Variants in MGRN1 observed in about 807,000 individuals in gnomAD.
MGRN1 encodes mahogunin ring finger 1, also known as E3 ubiquitin-protein ligase MGRN1.
A neutral mutation model predicts 69.2 loss-of-function variants in MGRN1; 29 were observed. The ratio of observed to expected loss-of-function variants is 0.42; its 90% CI spans 0.31 to 0.57. The LOEUF is 0.57. Ranked by LOEUF, MGRN1 falls within the 20% of genes least tolerant of loss-of-function variation. The pLI is 0.15. For synonymous variants in MGRN1, 470 were observed against 344.2 expected (o/e 1.37, Z -4.04); for missense variants, 998 against 796.2 (o/e 1.25, Z -3.05).
intron 4 of MGRN1, among the ~76,000 whole-genome samples, chr16:4,656,836 C>G (rs934002076): frequency 5.3e-5 from 8 of 151,970 alleles, no homozygotes; most frequent in African/African-American, 1.9e-4. Flanking sequence ...GCTGAGATCA[C>G]AACACTGCAC....
At chr16:4,677,186 CTG>C in intron 10 of MGRN1, 1 of 331,100 alleles carries the variant, frequency 3.0e-6, no homozygotes, top group Non-Finnish European at 5.5e-6. Flanking sequence ...TTCATTAATA[CTG>C]TGTTTGCGGG....
At chr16:4,662,904 G>T (rs192872734) in intron 5 of MGRN1, among the ~76,000 whole-genome samples, 5 of 152,204 alleles carry the variant, frequency 3.3e-5, no homozygotes, top group Non-Finnish European at 7.3e-5. Context: ...GGACATCCGT[G>T]GGGGTGGTTG....
chr16:4,645,216 A>AG (rs2078250008), intron 1 of MGRN1, among the ~76,000 whole-genome samples: 3 of 152,164 alleles, frequency 2.0e-5, no homozygotes, highest in Admixed American at 2.0e-4. Context: ...GCTGGAGTGC[A>AG]GTGTGGTGTG....
intron 5 of MGRN1, among the ~76,000 whole-genome samples, chr16:4,662,793 A>AC (rs2078712387): frequency 6.6e-6 from 1 of 152,088 alleles, no homozygotes; most frequent in Admixed American, 6.5e-5. Context: ...GGGAGAGGAG[A>AC]CATCCTATGT....
At chr16:4,677,284 GC>G in intron 10 of MGRN1, 178 bp from the exon 11 acceptor site, 1 of 447,842 alleles carries the variant, frequency 2.2e-6, no homozygotes, top group Non-Finnish European at 3.9e-6. Flanking sequence ...CATCTTTCCT[GC>G]CTATTAAATT....
At chr16:4,656,872 T>C (rs1737610893) in intron 4 of MGRN1, among the ~76,000 whole-genome samples, 1 of 149,496 alleles carries the variant, frequency 6.7e-6, no homozygotes, top group Admixed American at 6.8e-5. Flanking sequence ...AGAGCGAGAC[T>C]CTTATCTCAA....
At chr16:4,676,627 G>A (rs1050171746) in intron 10 of MGRN1, among the ~76,000 whole-genome samples, 4 of 152,166 alleles carry the variant, frequency 2.6e-5, no homozygotes, top group Non-Finnish European at 4.4e-5. Context: ...CTGGGCTGAC[G>A]GCAGATGCAT....
intron 15 of MGRN1, 118 bp from the exon 16 acceptor site, chr16:4,683,725 C>T (rs2079242454): frequency 2.5e-6 from 2 of 804,952 alleles, no homozygotes; most frequent in Non-Finnish European, 3.9e-6. Context: ...GAGCACAAGC[C>T]TGGGGTCCCC....
At chr16:4,630,087 C>T (rs536882424) in intron 1 of MGRN1, among the ~76,000 whole-genome samples, 113 of 147,854 alleles carry the variant, frequency 7.6e-4, no homozygotes, top group African/African-American at 2.7e-3. Context: ...TGCAGTGGCT[C>T]GCGCCTGTAA....
At chr16:4,675,196 C>G (rs1236251999) in intron 10 of MGRN1, among the ~76,000 whole-genome samples, 1 of 151,558 alleles carries the variant, frequency 6.6e-6, no homozygotes, top group African/African-American at 2.4e-5. Context: ...TGGTCTGAAG[C>G]TCCTGACCTC....
intron 1 of MGRN1, among the ~76,000 whole-genome samples, chr16:4,627,502 G>A (rs1326147071): frequency 2.0e-5 from 3 of 152,210 alleles, no homozygotes; most frequent in African/African-American, 4.8e-5. Flanking sequence ...TTGTGCAGTC[G>A]TCTGGCCAGG....
chr16:4,677,798 A>AAGG (rs2079085959), intron 11 of MGRN1, among the ~76,000 whole-genome samples: 1 of 143,384 alleles, frequency 7.0e-6, no homozygotes, highest in Non-Finnish European at 1.5e-5. Context: ...AGCCTGCGAC[A>AAGG]AGGCTGAGCG....
chr16:4,634,136 C>G (rs1337297259), intron 1 of MGRN1, among the ~76,000 whole-genome samples: 1 of 152,212 alleles, frequency 6.6e-6, no homozygotes, highest in African/African-American at 2.4e-5. Context: ...CCAGTGACTT[C>G]CTCAGTGGCC....
intron 7 of MGRN1, among the ~76,000 whole-genome samples, chr16:4,665,506 G>A (rs993015725): frequency 3.3e-5 from 5 of 150,910 alleles, no homozygotes; most frequent in African/African-American, 1.2e-4. Context: ...GTACCTGGGA[G>A]TACAGGTGTG....
chr16:4,660,861 G>T (rs1393401707), intron 5 of MGRN1, among the ~76,000 whole-genome samples: 1 of 152,254 alleles, frequency 6.6e-6, no homozygotes, highest in Non-Finnish European at 1.5e-5. Context: ...GACCGGGGAA[G>T]GGAGTGTCCC....
chr16:4,689,718 C>T lies in MGRN1; in HGVS notation c.*810C>T, dbSNP rs1451458919. On this transcript the variant is annotated 3_prime_UTR_variant, in exon 17 of 17. Coordinates refer to ENST00000262370, the MANE Select transcript of MGRN1 (RefSeq NM_015246.4). The stretch of plus-strand genomic sequence containing the variant: ...GCCCCTGCCAGGGAGGACCTGGTGG[C>T]CTCCTCATTCTCTTTTGCCATTGGA... The T allele has an allele frequency of 1.3e-5, 2 of 152,130 alleles. No individual in the cohort carries two copies. The highest frequency in any genetic ancestry group is 2.4e-5 in the African/African-American group (1 of 41,426). 9.4% of individuals were successfully genotyped at this position (152,130 alleles called of 1,614,324 possible).
chr16:4,658,493 G>A (rs145145033), intron 5 of MGRN1, among the ~76,000 whole-genome samples: 7 of 151,404 alleles, frequency 4.6e-5, no homozygotes, highest in Non-Finnish European at 7.4e-5. Context: ...CCGAGATCAC[G>A]CCACTGCACT....
At position 4,652,749 on chromosome 16, in the gene MGRN1, C is replaced by T. The variant is rs763427469; in HGVS notation, c.368C>T (p.Thr123Ile). Residue 123 changes from threonine (T) to isoleucine (I), a missense_variant, in exon 4 of 17, where the codon ACC becomes ATC. Coordinates refer to ENST00000262370, the MANE Select transcript of MGRN1 (RefSeq NM_015246.4). ...CGGGTGCTCTACAGCCTGGAGTTCA[C>T]CTTCGACGCCGATGCCCGCGTGGCC... ...KPRVLYSLEF[T>I]FDADARVAIT... is the part of the protein sequence containing the mutation. The T allele has an allele frequency of 6.2e-7, 1 of 1,612,984 alleles. No homozygotes were observed. The highest frequency in any genetic ancestry group is 8.5e-7 in the Non-Finnish European group (1 of 1,179,592).
chr16:4,664,790 T>C lies in MGRN1; in HGVS notation c.628+15T>C, dbSNP rs752386126. ...CGAAGGAGATGGTGAGTGCGTCCTC[T>C]TCCGTCCTCCTGGGCGTGCAGGCCG... is the stretch of plus-strand genomic sequence containing the variant. On this transcript the variant is annotated intron_variant, in intron 6 of 16. Transcript: ENST00000262370. 4 of 1,613,944 alleles carry C rather than the reference T, an allele frequency of 2.5e-6. No homozygotes were observed. The highest frequency in any genetic ancestry group is 3.4e-6 in the Non-Finnish European group (4 of 1,179,770).
Sources: gnomAD v4.1 joint callset for allele counts (sites outside exome capture counted in the v4.1 genomes callset) on GRCh38, gnomAD v4.1.1 for gene constraint, MANE v1.5 for transcripts, NCBI Gene and HGNC (gene_info 2026-07-23, HGNC 2026-07-21) for gene names.